ZNF543: variants seen among roughly 807,000 people sequenced by gnomAD.
The protein encoded by ZNF543 is zinc finger protein 543.
In ZNF543, 10 loss-of-function variants were observed where a neutral mutation model predicts 13.4. That is an observed-to-expected ratio of 0.75 (90% CI 0.46 to 1.26). The LOEUF (loss-of-function observed/expected upper bound fraction) is 1.26. Among genes scored for constraint, ZNF543 ranks in the 50% most tolerant of loss-of-function variants. The pLI is 0.00. For missense variants in ZNF543, 768 were observed against 741.2 expected, an observed-to-expected ratio of 1.04 and a Z score of -0.42; for synonymous variants, 272 against 264.7, an observed-to-expected ratio of 1.03 and a Z score of -0.27.
chr19:57,321,193 C>G (rs572583176), intron 1 of ZNF543, among the ~76,000 whole-genome samples: 1 of 152,286 alleles, frequency 6.6e-6, no homozygotes, highest in Admixed American at 6.5e-5. Context: ...CTCCATTTTT[C>G]CCTTGTCCTT....
At chr19:57,323,867 C>T in intron 2 of ZNF543, 59 bp downstream of exon 2, 1 of 1,577,726 alleles carries the variant, frequency 6.3e-7, no homozygotes, top group Non-Finnish European at 8.6e-7. Context: ...TCATGTTCCC[C>T]TCTCTCCTCC....
chr19:57,320,765 C>T lies in ZNF543; in HGVS notation c.-89C>T. 4.6e-6 allele frequency: 7 copies of T among 1,528,896 alleles called. No individual in the cohort carries two copies. Among genetic ancestry groups the T allele is most frequent in the Non-Finnish European group, 6.2e-6 (7 of 1,128,010 alleles). 94.7% of individuals were successfully genotyped at this position (1,528,896 alleles called of 1,614,324 possible). A position where few individuals can be genotyped will look rare whatever the true frequency, so the allele number is the denominator to read the frequency against. On this transcript the variant is annotated 5_prime_UTR_variant, in exon 1 of 4. Coordinates refer to ENST00000321545, the MANE Select transcript of ZNF543 (RefSeq NM_213598.4). ...CTGAGGCTCCGAGTGCGAAAGTCAG[C>T]CGAGGTCGCCCCGCCCAGGACAGAG...
rs979166089 is a variant in ZNF543 at position 57,320,523 on chromosome 19, C to T, written c.-331C>T. The stretch of plus-strand genomic sequence containing the variant: ...GGATTGGCCCTGGAACAGTGTGGGG[C>T]CTGGACCGCTGGGTAGGCGCGTCCA... On this transcript the variant is annotated 5_prime_UTR_variant, in exon 1 of 4. Coordinates refer to ENST00000321545, the MANE Select transcript of ZNF543 (RefSeq NM_213598.4). 5.9e-6 allele frequency: 2 copies of T among 337,076 alleles called. No homozygotes were observed. Among genetic ancestry groups the T allele is most frequent in the Non-Finnish European group, 5.6e-6 (1 of 179,758 alleles). 20.9% of individuals were successfully genotyped at this position (337,076 alleles called of 1,614,324 possible). A position where few individuals can be genotyped will look rare whatever the true frequency, so the allele number is the denominator to read the frequency against.
Position 57,320,564 on chromosome 19 carries a change from G to C in ZNF543, c.-290G>C. On this transcript the variant is annotated 5_prime_UTR_variant, in exon 1 of 4. Transcript: ENST00000321545. ...GGCGCGTCCAGCGGCCTGAGCAGGG[G>C]AGGGTAATGAGGCTGTTACGCGCCT... 1 of 456,442 alleles carries C rather than the reference G, an allele frequency of 2.2e-6. No homozygotes were observed. The highest frequency in any genetic ancestry group is 4.0e-6 in the Non-Finnish European group (1 of 252,398). The allele number at this position is 456,442 out of a possible 1,614,324, so 28.3% of individuals were successfully genotyped here.
chr19:57,324,828 G>A (rs1319527749), intron 2 of ZNF543, among the ~76,000 whole-genome samples: 1 of 152,172 alleles, frequency 6.6e-6, no homozygotes, highest in Non-Finnish European at 1.5e-5. Flanking sequence ...AAAAGCCTTA[G>A]GTCAGTGAAG....
Position 57,328,576 on chromosome 19 carries a change from T to C in ZNF543, c.1114T>C (p.Cys372Arg), listed in dbSNP as rs753091167. 5.6e-6 allele frequency: 9 copies of C among 1,612,096 alleles called. No homozygotes were observed. Among genetic ancestry groups the C allele is most frequent in the Middle Eastern group, 1.7e-4 (1 of 6,048 alleles). The stretch of plus-strand genomic sequence containing the variant: ...AGTGAAACCCTTTGAATGCAACGAG[T>C]GTGGAAAAGCTTTTTGCGAGAGTGC... ...TGVKPFECNE[C>R]GKAFCESADL... Residue 372 changes from cysteine (C) to arginine (R), a missense_variant, in exon 4 of 4, where the codon TGT (cysteine) becomes CGT (arginine). Around this residue, in one of 3 missense-constraint regions of ZNF543, gnomAD observed 677 missense variants for 631.4 expected, o/e 1.07. Transcript: ENST00000321545.
intron 2 of ZNF543, among the ~76,000 whole-genome samples, chr19:57,325,643 C>T (rs1198038870): frequency 6.6e-6 from 1 of 152,150 alleles, no homozygotes; most frequent in Non-Finnish European, 1.5e-5. Flanking sequence ...GCCTCACCTT[C>T]CAGTCTCAAG....
In ZNF543 at chr19:57,328,307, C is replaced by T. The variant is rs139627487; in HGVS notation, c.845C>T (p.Pro282Leu). The T allele has an allele frequency of 4.2e-4, 671 of 1,613,566 alleles. 1 individual carries two copies. Among genetic ancestry groups the T allele is most frequent in the Non-Finnish European group, 5.3e-4 (622 of 1,179,972 alleles). ...CAGCGGATTCACAGTGGAGAGAAGC[C>T]TTATAAGTGCAGTGAATGTGGAAAG... ...RHQRIHSGEK[P>L]YKCSECGKAF... is the part of the protein sequence containing the mutation. Residue 282 changes from proline (P) to leucine (L), a missense_variant, in exon 4 of 4, where the codon CCT becomes CTT. Around this residue, in one of 3 missense-constraint regions of ZNF543, gnomAD observed 677 missense variants for 631.4 expected, o/e 1.07. Coordinates refer to ENST00000321545, the MANE Select transcript of ZNF543 (RefSeq NM_213598.4).
At position 57,328,468 on chromosome 19, in the gene ZNF543, G is replaced by A. The variant is rs1374416541; in HGVS notation, c.1006G>A (p.Glu336Lys). ...TCGACACTACATCATCCACACGGGA[G>A]AGAAGCCCTATGAGTGCATTGAGTG... ...FIRHYIIHTG[E>K]KPYECIECGK... Residue 336 changes from glutamate (E) to lysine (K), a missense_variant, in exon 4 of 4, where the codon GAG (glutamate) becomes AAG (lysine). Physicochemically the swap from Glu to Lys is moderately conservative, Grantham distance 56. This residue lies in a region of ZNF543 where 677 missense variants were observed against 631.4 expected (regional missense o/e 1.07). Coordinates refer to ENST00000321545, the MANE Select transcript of ZNF543 (RefSeq NM_213598.4). 6 of 1,614,238 alleles carry A rather than the reference G, an allele frequency of 3.7e-6. No individual in the cohort carries two copies. The highest frequency in any genetic ancestry group is 5.1e-6 in the Non-Finnish European group (6 of 1,180,048).
intron 1 of ZNF543, among the ~76,000 whole-genome samples, chr19:57,323,434 T>C (rs1361975115): frequency 6.6e-6 from 1 of 152,048 alleles, no homozygotes; most frequent in East Asian, 1.9e-4. Context: ...CCTCGTGATC[T>C]GCCCTTCATG....
intron 2 of ZNF543, 42 bp downstream of exon 2, chr19:57,323,850 C>T (rs942665120): frequency 1.9e-6 from 3 of 1,594,306 alleles, no homozygotes. Context: ...GGATTGAGTT[C>T]TCCTACTCAT....
chr19:57,325,063 A>G (rs1431174044), intron 2 of ZNF543, among the ~76,000 whole-genome samples: 1 of 152,152 alleles, frequency 6.6e-6, no homozygotes, highest in African/African-American at 2.4e-5. Flanking sequence ...TGGATTTGAG[A>G]GCCACAGCAG....
intron 1 of ZNF543, among the ~76,000 whole-genome samples, chr19:57,323,227 T>C (rs2088099873): frequency 6.6e-6 from 1 of 151,060 alleles, no homozygotes; most frequent in South Asian, 2.1e-4. Context: ...AGTCTCGCTC[T>C]GTCACCCAGG....
intron 2 of ZNF543, among the ~76,000 whole-genome samples, chr19:57,324,354 GAAAA>G (rs56924099): frequency 2.0e-5 from 2 of 101,798 alleles, no homozygotes; most frequent in Non-Finnish European, 1.9e-5. Context: ...GACTCCGTCT[GAAAA>G]AAAAAAAAAA....
At position 57,328,348 on chromosome 19, in the gene ZNF543, T is replaced by C. The variant is rs1212842760; in HGVS notation, c.886T>C (p.Ser296Pro). The change falls in exon 4 of 4, where the codon TCC becomes CCC. Residue 296 changes from serine to proline, a missense_variant. Physicochemically the swap from Ser to Pro is moderately conservative, Grantham distance 74 (BLOSUM62 -1). This residue lies in a region of ZNF543 where 677 missense variants were observed against 631.4 expected (regional missense o/e 1.07). Coordinates refer to ENST00000321545, the MANE Select transcript of ZNF543 (RefSeq NM_213598.4). ...SECGKAFTHR[S>P]TFVLHHRSHT... ...ATGTGGAAAGGCCTTCACCCACCGC[T>C]CCACTTTTGTCTTGCATCACAGGAG... 4 of 1,613,740 alleles carry C rather than the reference T, an allele frequency of 2.5e-6. No homozygotes were observed. The highest frequency in any genetic ancestry group is 3.4e-6 in the Non-Finnish European group (4 of 1,180,002).
chr19:57,327,682 T>C, intron 3 of ZNF543, 22 bp from the exon 4 acceptor site: 2 of 1,573,898 alleles, frequency 1.3e-6, no homozygotes, highest in Non-Finnish European at 1.7e-6. Context: ...ATAAGCCTTT[T>C]TGTGTATTGT....
In ZNF543 at chr19:57,329,344, A is replaced by G. The variant is rs575602494; in HGVS notation, c.*79A>G. 4.4e-5 allele frequency: 66 copies of G among 1,499,860 alleles called. 1 individual carries two copies. In the South Asian group the frequency reaches 8.5e-4, roughly 19 times the overall value. 92.9% of individuals were successfully genotyped at this position (1,499,860 alleles called of 1,614,324 possible). ...TCCTCTCTTTGAGAAAACGTGTAAT[A>G]GATGATCATTTGTCGTCTAAACAAT... On this transcript the variant is annotated 3_prime_UTR_variant, in exon 4 of 4. Coordinates refer to ENST00000321545, the MANE Select transcript of ZNF543 (RefSeq NM_213598.4).
At position 57,329,705 on chromosome 19, in the gene ZNF543, G is replaced by A. The variant is rs1314851652; in HGVS notation, c.*440G>A. 1 of 157,630 alleles carries A rather than the reference G, an allele frequency of 6.3e-6. No homozygotes were observed. Among genetic ancestry groups the A allele is most frequent in the Admixed American group, 6.1e-5 (1 of 16,494 alleles). The allele number at this position is 157,630 out of a possible 1,614,324, so 9.8% of individuals were successfully genotyped here. A position where few individuals can be genotyped will look rare whatever the true frequency, so the allele number is the denominator to read the frequency against. ...TTTTTTGTATTTTTAGTAGAGACGG[G>A]GTTTCACCGTTTTAGCCGGGATGGT... is the stretch of plus-strand genomic sequence containing the variant. On this transcript the variant is annotated 3_prime_UTR_variant, in exon 4 of 4. Transcript: ENST00000321545.
At chr19:57,324,122 C>T (rs755660328) in intron 2 of ZNF543, among the ~76,000 whole-genome samples, 11 of 152,006 alleles carry the variant, frequency 7.2e-5, no homozygotes, top group African/African-American at 2.4e-4. Flanking sequence ...GAGGCCGACG[C>T]GGACAAATCA....
Sources: allele counts gnomAD v4.1 joint callset (sites outside exome capture counted in the v4.1 genomes callset), GRCh38; gene constraint gnomAD v4.1.1; regional missense constraint gnomAD v4.1.1; transcripts MANE v1.5; gene names NCBI Gene and HGNC (gene_info 2026-07-23, HGNC 2026-07-21).